ZNF609: variants seen among roughly 807,000 people sequenced by gnomAD.
The protein encoded by ZNF609 is zinc finger protein 609.
Under a neutral mutation model 109.5 loss-of-function variants are expected in ZNF609, and 11 were observed. That is an observed-to-expected ratio of 0.10 (90% CI 0.06 to 0.17). The LOEUF (loss-of-function observed/expected upper bound fraction) is 0.17, where lower values mean the gene tolerates loss of function less well. Among genes scored for constraint, ZNF609 ranks in the 10% least tolerant of loss-of-function variants. The probability of loss-of-function intolerance (pLI) is 1.00; values close to 1 mark genes in which losing one functional copy is unlikely to be tolerated. For synonymous variants in ZNF609, 646 were observed against 662.0 expected, an observed-to-expected ratio of 0.98 and a Z score of 0.37; for missense variants, 1,559 against 1,772.4, an observed-to-expected ratio of 0.88 and a Z score of 2.16.
chr15:64,518,032 A>G (rs1056615036), intron 2 of ZNF609, among the ~76,000 whole-genome samples: 11 of 152,074 alleles, frequency 7.2e-5, no homozygotes, highest in African/African-American at 2.7e-4. Context: ...TCCACCCGCC[A>G]TGGCCTCCCA....
At chr15:64,592,508 G>A (rs534194023) in intron 2 of ZNF609, among the ~76,000 whole-genome samples, 2 of 152,304 alleles carry the variant, frequency 1.3e-5, no homozygotes, top group Non-Finnish European at 2.9e-5. Context: ...AACCCAGAAG[G>A]TGGAGGCTGC....
In ZNF609 at chr15:64,588,442, A is replaced by AAAAAG. The variant is rs71133451; in HGVS notation, c.748-34383_748-34382insAAGAA. Among the ~76,000 whole-genome samples, 31 of 75,276 alleles carry AAAAAG rather than the reference A, an allele frequency of 4.1e-4. 2 individuals carry two copies. The highest frequency in any genetic ancestry group is 0.017 in the Middle Eastern group (1 of 60). 49.4% of individuals were successfully genotyped at this position (75,276 alleles called of 152,430 possible). A position where few individuals can be genotyped will look rare whatever the true frequency, so the allele number is the denominator to read the frequency against. ...CACTCTGTCTAAAAAAAAAAAAAAA[A>AAAAAG]AAGAAGAGGAAGACTGTACAGACTA... On this transcript the variant is annotated intron_variant, in intron 2 of 9. Coordinates refer to ENST00000326648, the MANE Select transcript of ZNF609 (RefSeq NM_015042.2).
At chr15:64,525,210 G>A (rs910698833) in intron 2 of ZNF609, among the ~76,000 whole-genome samples, 2 of 152,086 alleles carry the variant, frequency 1.3e-5, no homozygotes, top group Non-Finnish European at 2.9e-5. Flanking sequence ...TATGGTTATA[G>A]CTCTTACATT....
chr15:64,546,573 A>G (rs1400384512), intron 2 of ZNF609, among the ~76,000 whole-genome samples: 2 of 151,638 alleles, frequency 1.3e-5, no homozygotes, highest in Non-Finnish European at 2.9e-5. Context: ...CCCAGGCTCA[A>G]GCAATCTTTC....
rs370860584 is a variant in ZNF609 at position 64,615,944 on chromosome 15, T to C, written c.748-6883T>C. Among the ~76,000 whole-genome samples the C allele has an allele frequency of 4.6e-5, 7 of 152,374 alleles. No individual in the cohort carries two copies. In the South Asian group the frequency reaches 6.2e-4, roughly 14 times the overall value. On this transcript the variant is annotated intron_variant, in intron 2 of 9. Transcript: ENST00000326648. ...TAGAACTAACTTCCTTCTTGCGTTT[T>C]TGTCTGTGAAGGTGAAGATACAAGA... is the stretch of plus-strand genomic sequence containing the variant.
At chr15:64,557,706 G>GT (rs1373868771) in intron 2 of ZNF609, among the ~76,000 whole-genome samples, 5 of 151,722 alleles carry the variant, frequency 3.3e-5, no homozygotes, top group South Asian at 2.1e-4. Context: ...AGATTTTCTG[G>GT]TTTTTTTTGG....
intron 1 of ZNF609, among the ~76,000 whole-genome samples, chr15:64,485,003 G>A (rs1893313022): frequency 6.6e-6 from 1 of 152,126 alleles, no homozygotes. Context: ...AGGAATCTTG[G>A]TAAGATATTC....
rs1038289249 is a variant in ZNF609, at chr15:64,683,733, G to GC, written c.*2049dup. 2.0e-5 allele frequency: 3 copies of GC among 152,286 alleles called. No individual in the cohort carries two copies. The highest frequency in any genetic ancestry group is 7.2e-5 in the African/African-American group (3 of 41,462). 9.4% of individuals were successfully genotyped at this position (152,286 alleles called of 1,614,324 possible). A position where few individuals can be genotyped will look rare whatever the true frequency, so the allele number is the denominator to read the frequency against. On this transcript the variant is annotated 3_prime_UTR_variant, in exon 10 of 10. Transcript: ENST00000326648. ...CCTCCTGGGGCTCCTGTGAGGTGGA[G>GC]CCAAGGTTCCCTCTCTGTTCCTGTT...
At chr15:64,490,155 G>A (rs1442040546) in intron 1 of ZNF609, among the ~76,000 whole-genome samples, 1 of 151,820 alleles carries the variant, frequency 6.6e-6, no homozygotes, top group East Asian at 1.9e-4. Context: ...TAGAGACAGG[G>A]TCCCATTATG....
At position 64,675,284 on chromosome 15, in the gene ZNF609, T is replaced by C. The variant is rs1297075735; in HGVS notation, c.2430T>C (p.Ser810=). The change falls in exon 5 of 10, where the codon AGT becomes AGC. Residue 810 remains serine, a synonymous_variant. Transcript: ENST00000326648. ...DNAPSPSIGG[S]SRLENTTPTQ... is the part of the protein sequence containing the mutation. ...CCCCCAGCCCTTCCATTGGAGGCAG[T>C]AGCCGCCTTGAAAACACTACCCCTA... is the stretch of plus-strand genomic sequence containing the variant. 1 of 1,614,064 alleles carries C rather than the reference T, an allele frequency of 6.2e-7. No homozygotes were observed. Among genetic ancestry groups the C allele is most frequent in the Non-Finnish European group, 8.5e-7 (1 of 1,180,016 alleles).
At chr15:64,523,976 AT>A (rs1187934121) in intron 2 of ZNF609, among the ~76,000 whole-genome samples, 3 of 150,790 alleles carry the variant, frequency 2.0e-5, no homozygotes, top group Non-Finnish European at 4.4e-5. Context: ...TAACTGGAAA[AT>A]TTTTTGGAAG....
At chr15:64,661,117 A>G (rs1896568874) in intron 3 of ZNF609, among the ~76,000 whole-genome samples, 1 of 151,952 alleles carries the variant, frequency 6.6e-6, no homozygotes, top group African/African-American at 2.4e-5. Flanking sequence ...GTGTGCCACC[A>G]TGTCTGGCTA....
intron 2 of ZNF609, among the ~76,000 whole-genome samples, chr15:64,609,116 CTTTCTTTCTTTCT>C (rs1567028292): frequency 3.3e-5 from 1 of 30,056 alleles, no homozygotes; most frequent in African/African-American, 6.1e-5. Flanking sequence ...TTCTTTCTTT[CTTTCTTTCTTTCT>C]TTTTTTCTTT....
At chr15:64,644,743 C>A (rs565525033) in intron 3 of ZNF609, among the ~76,000 whole-genome samples, 6 of 152,212 alleles carry the variant, frequency 3.9e-5, no homozygotes, top group African/African-American at 1.4e-4. Context: ...AGATGGTGGG[C>A]AAAATTGATG....
chr15:64,670,844 C>CAAGA (rs1896714958), intron 4 of ZNF609, among the ~76,000 whole-genome samples: 1 of 148,366 alleles, frequency 6.7e-6, no homozygotes, highest in Non-Finnish European at 1.5e-5. Context: ...CACCATTGCA[C>CAAGA]TCCAGCCTGG....
chr15:64,684,780 C>A lies in ZNF609; in HGVS notation c.*3094C>A. 6.5e-6 allele frequency: 1 copy of A among 152,790 alleles called. No homozygotes were observed. The allele number at this position is 152,790 out of a possible 1,614,324, so 9.5% of individuals were successfully genotyped here. ...CACCCATGTCACTTATCCCGTATACCCTCTCACCATCCCCTTGTCTACTCT... is the reference window on the plus strand; with the variant it reads ...CACCCATGTCACTTATCCCGTATACACTCTCACCATCCCCTTGTCTACTCT... On this transcript the variant is annotated 3_prime_UTR_variant, in exon 10 of 10. Transcript: ENST00000326648.
At position 64,582,436 on chromosome 15, in the gene ZNF609, C is replaced by A. The variant is rs11854846; in HGVS notation, c.748-40391C>A. Among the ~76,000 whole-genome samples, 1,480 of 152,300 alleles carry A rather than the reference C, an allele frequency of 9.7e-3. 24 individuals carry two copies. The highest frequency in any genetic ancestry group is 0.034 in the African/African-American group (1,401 of 41,544). ...CCTCTGGAATCTCTGCTCCGTCAATCCTTTGACACTGTGAATCACCACTGT... is the reference window on the plus strand; with the variant it reads ...CCTCTGGAATCTCTGCTCCGTCAATACTTTGACACTGTGAATCACCACTGT... On this transcript the variant is annotated intron_variant, in intron 2 of 9. Transcript: ENST00000326648.
At chr15:64,569,204 A>G (rs1251417418) in intron 2 of ZNF609, among the ~76,000 whole-genome samples, 1 of 152,202 alleles carries the variant, frequency 6.6e-6, no homozygotes, top group Admixed American at 6.5e-5. Context: ...AGTCCATATC[A>G]TATCATGGTG....
At chr15:64,658,244 C>T (rs765511701) in intron 3 of ZNF609, among the ~76,000 whole-genome samples, 42 of 152,070 alleles carry the variant, frequency 2.8e-4, no homozygotes, top group Non-Finnish European at 5.3e-4. Flanking sequence ...GTTTCCCAGG[C>T]TGGAGTGCAA....
Sources: gnomAD v4.1 joint callset for allele counts (sites outside exome capture counted in the v4.1 genomes callset) on GRCh38, gnomAD v4.1.1 for gene constraint, MANE v1.5 for transcripts, NCBI Gene and HGNC (gene_info 2026-07-23, HGNC 2026-07-21) for gene names.